The following TRIQK variants were observed in gnomAD, a reference collection of about 807,000 sequenced individuals.
The protein encoded by TRIQK is triple QxxK/R motif-containing protein.
Under a neutral mutation model 10.8 loss-of-function variants are expected in TRIQK, and 10 were observed. The observed-to-expected ratio is 0.92, with a 90% CI of 0.57 to 1.57. The LOEUF (loss-of-function observed/expected upper bound fraction) is 1.57, where lower values mean the gene tolerates loss of function less well. TRIQK is among the 40% of genes most tolerant of loss of function. TRIQK has a pLI of 0.00. For synonymous variants in TRIQK, 33 were observed against 33.7 expected, an observed-to-expected ratio of 0.98 and a Z score of 0.07; for missense variants, 107 against 97.7, an observed-to-expected ratio of 1.09 and a Z score of -0.40.
intron 4 of TRIQK, among the ~76,000 whole-genome samples, chr8:92,889,190 TA>T (rs1343002303): frequency 1.3e-5 from 2 of 151,708 alleles, no homozygotes; most frequent in Admixed American, 6.6e-5. Flanking sequence ...TTACTAAACA[TA>T]CATTTACAAA....
chr8:92,898,622 A>T (rs1371252103), intron 3 of TRIQK, among the ~76,000 whole-genome samples: 1 of 151,670 alleles, frequency 6.6e-6, no homozygotes, highest in Non-Finnish European at 1.5e-5. Context: ...TACTATCATC[A>T]CATTTAAAGT....
At chr8:92,920,392 CA>C (rs1359195338) in intron 2 of TRIQK, among the ~76,000 whole-genome samples, 1 of 151,078 alleles carries the variant, frequency 6.6e-6, no homozygotes, top group African/African-American at 2.4e-5. Flanking sequence ...ATGTCACAAG[CA>C]AAAATATAGA....
At chr8:92,978,172 C>T (rs1422018914) in intron 1 of TRIQK, among the ~76,000 whole-genome samples, 1 of 152,096 alleles carries the variant, frequency 6.6e-6, no homozygotes, top group Non-Finnish European at 1.5e-5. Context: ...ATTGTAGCTG[C>T]TTTGACTTTG....
chr8:93,000,887 A>C (rs1813204029), intron 1 of TRIQK, among the ~76,000 whole-genome samples: 1 of 151,996 alleles, frequency 6.6e-6, no homozygotes, highest in Non-Finnish European at 1.5e-5. Context: ...AGGATTAAAA[A>C]AAAAAAAAAG....
intron 1 of TRIQK, among the ~76,000 whole-genome samples, chr8:92,991,861 T>C (rs1813099118): frequency 2.6e-5 from 4 of 151,960 alleles, no homozygotes; most frequent in Admixed American, 2.0e-4. Context: ...ACACTAACGA[T>C]AGACAAACAG....
intron 2 of TRIQK, among the ~76,000 whole-genome samples, chr8:92,930,390 C>CAAAAAAAAAAAAAAAAAAAAAAAAAAA (rs66513185): frequency 2.1e-5 from 1 of 47,140 alleles, no homozygotes; most frequent in Non-Finnish European, 3.6e-5. Context: ...ACTAGGTCTC[C>CAAAAAAAAAAAAAAAAAAAAAAAAAAA]AAAAAAAAAA....
intron 1 of TRIQK, among the ~76,000 whole-genome samples, chr8:93,012,245 T>C (rs2130764018): frequency 6.6e-6 from 1 of 152,284 alleles, no homozygotes; most frequent in South Asian, 2.1e-4. Context: ...GCTTTTTCTT[T>C]TTGGCAGTAA....
chr8:92,921,353 C>T (rs2130490644), intron 2 of TRIQK: 1 of 151,802 alleles, frequency 6.6e-6, no homozygotes, highest in African/African-American at 2.4e-5. Context: ...AAACTGTTGG[C>T]TACTCACTAA....
At chr8:92,964,832 C>A (rs1812651903) in intron 1 of TRIQK, 1 of 152,096 alleles carries the variant, frequency 6.6e-6, no homozygotes, top group African/African-American at 2.4e-5. Flanking sequence ...TTACAGATAA[C>A]GAAACAATTA....
In TRIQK at chr8:92,949,981, C is replaced by T. The variant is rs183615603; in HGVS notation, c.-22+4425G>A. Among the ~76,000 whole-genome samples the T allele has an allele frequency of 2.6e-5, 4 of 152,174 alleles. No homozygotes were observed. The East Asian group carries it at 7.7e-4, about 29-fold the overall frequency. On this transcript the variant is annotated intron_variant, in intron 2 of 4. Transcript: ENST00000521988. ...TTAAGATTCTTAGGATATAAGAATG[C>T]TCTCAGAATATACTAAGCCTATAAC...
chr8:92,903,995 A>C (rs1809104990), intron 3 of TRIQK, among the ~76,000 whole-genome samples: 1 of 152,140 alleles, frequency 6.6e-6, no homozygotes, highest in African/African-American at 2.4e-5. Flanking sequence ...CTCCTTAATA[A>C]GATTTCATTT....
At chr8:92,891,292 A>G (rs906680915) in intron 4 of TRIQK, among the ~76,000 whole-genome samples, 2 of 151,962 alleles carry the variant, frequency 1.3e-5, no homozygotes, top group African/African-American at 4.8e-5. Flanking sequence ...TTTAAATAAA[A>G]TATATGTACT....
chr8:92,946,974 C>A lies in TRIQK; in HGVS notation c.-22+7432G>T, dbSNP rs1164186577. Among the ~76,000 whole-genome samples the A allele has an allele frequency of 2.0e-5, 3 of 151,558 alleles. No homozygotes were observed. The East Asian group carries it at 5.9e-4, about 30-fold the overall frequency. ...TAGAGATGGGGTTTCACCGTGTTAG[C>A]CAGGATGGTGTCGATCTCCTGACCT... On this transcript the variant is annotated intron_variant, in intron 2 of 4. Transcript: ENST00000521988.
At chr8:92,968,652 GT>G (rs528642826), upstream of TRIQK, among the ~76,000 whole-genome samples, 1 of 152,028 alleles carries the variant, frequency 6.6e-6, no homozygotes, top group Non-Finnish European at 1.5e-5. Flanking sequence ...GCGGTTGTTT[GT>G]TTTTTTCTTG....
chr8:92,940,746 T>C (rs1462274039), intron 2 of TRIQK, among the ~76,000 whole-genome samples: 4 of 152,006 alleles, frequency 2.6e-5, no homozygotes, highest in East Asian at 1.9e-4. Flanking sequence ...TAAAGAAACA[T>C]TGAATTTAGG....
At chr8:92,902,935 C>A (rs1204583565) in intron 3 of TRIQK, among the ~76,000 whole-genome samples, 1 of 151,494 alleles carries the variant, frequency 6.6e-6, no homozygotes, top group African/African-American at 2.4e-5. Context: ...AATGGTTGCC[C>A]TAGAAATTAT....
At chr8:92,946,730 A>G (rs1478463042) in intron 2 of TRIQK, among the ~76,000 whole-genome samples, 4 of 148,346 alleles carry the variant, frequency 2.7e-5, no homozygotes, top group Non-Finnish European at 1.5e-5. Flanking sequence ...CATACTCCCT[A>G]CCATTTATTT....
chr8:92,958,963 A>C (rs1389451894), intron 1 of TRIQK, among the ~76,000 whole-genome samples: 1 of 152,128 alleles, frequency 6.6e-6, no homozygotes. Flanking sequence ...CAATACGTAA[A>C]CAAATGAGTG....
intron 3 of TRIQK, among the ~76,000 whole-genome samples, chr8:92,912,550 G>A (rs977461840): frequency 5.3e-5 from 8 of 151,668 alleles, no homozygotes; most frequent in African/African-American, 1.7e-4. Flanking sequence ...CCAGGAAAAA[G>A]CAAAATAGTA....
Sources: gnomAD v4.1 joint callset for allele counts (sites outside exome capture counted in the v4.1 genomes callset) on GRCh38, gnomAD v4.1.1 for gene constraint, MANE v1.5 for transcripts, NCBI Gene and HGNC (gene_info 2026-07-23, HGNC 2026-07-21) for gene names.